The following THADA variants were observed in gnomAD, a reference collection of about 807,000 sequenced individuals.
The protein encoded by THADA is tRNA (32-2'-O)-methyltransferase regulator THADA.
In THADA, 213 loss-of-function variants were observed where a neutral mutation model predicts 219.8. The ratio of observed to expected loss-of-function variants is 0.97; its 90% CI spans 0.87 to 1.09. The LOEUF (loss-of-function observed/expected upper bound fraction) is 1.09, where lower values mean the gene tolerates loss of function less well. Among genes scored for constraint, THADA ranks in the 50% least tolerant of loss-of-function variants. The pLI, the probability that THADA is intolerant of heterozygous loss-of-function variation, is 0.00. For missense variants in THADA, 2,956 were observed against 2,311.3 expected, an observed-to-expected ratio of 1.28 and a Z score of -5.72; for synonymous variants, 1,018 against 828.9, an observed-to-expected ratio of 1.23 and a Z score of -3.92.
At chr2:43,263,199 C>A (rs979492560) in intron 36 of THADA, among the ~76,000 whole-genome samples, 1 of 152,196 alleles carries the variant, frequency 6.6e-6, no homozygotes, top group Non-Finnish European at 1.5e-5. Flanking sequence ...CAACAGCTAT[C>A]CCACTTCCTC....
At chr2:43,279,470 A>C (rs1312045860) in intron 36 of THADA, among the ~76,000 whole-genome samples, 1 of 152,186 alleles carries the variant, frequency 6.6e-6, no homozygotes, top group Non-Finnish European at 1.5e-5. Context: ...CAGTTTATTA[A>C]ATTTCTACCT....
In THADA at chr2:43,572,976, G is replaced by C. The variant is rs778331107; in HGVS notation, c.1746C>G (p.Phe582Leu). ...TGCTATTACAAGACCCTAAGGATGG[G>C]AAAGATTGCTCTTGTCCTGAAAGCA... is the stretch of plus-strand genomic sequence containing the variant. Reference protein sequence around the residue: ...IDAKTGQEQSFPSLGSCNSRG... With the variant: ...IDAKTGQEQSLPSLGSCNSRG... The change falls in exon 12 of 38, where the codon TTC (phenylalanine) becomes TTG (leucine). Residue 582 changes from phenylalanine (F) to leucine (L), a missense_variant. Physicochemically the swap from Phe to Leu is conservative, Grantham distance 22. Transcript: ENST00000405975. The C allele has an allele frequency of 6.2e-7, 1 of 1,613,542 alleles. No homozygotes were observed. The highest frequency in any genetic ancestry group is 8.5e-7 in the Non-Finnish European group (1 of 1,179,678).
At chr2:43,325,118 C>T (rs1407196379) in intron 30 of THADA, among the ~76,000 whole-genome samples, 1 of 152,168 alleles carries the variant, frequency 6.6e-6, no homozygotes, top group Admixed American at 6.5e-5. Context: ...AATCTCTGAA[C>T]TTCTTTAAAT....
intron 8 of THADA, 93 bp downstream of exon 8, chr2:43,581,648 T>G (rs1023774001): frequency 9.1e-7 from 1 of 1,096,552 alleles, no homozygotes; most frequent in Non-Finnish European, 1.3e-6. Context: ...CTCAGTTAAG[T>G]ATCACATTTC....
chr2:43,447,048 A>G lies in THADA; in HGVS notation c.3837-16746T>C, dbSNP rs1430487561. Among the ~76,000 whole-genome samples, 3 of 152,304 alleles carry G rather than the reference A, an allele frequency of 2.0e-5. No individual in the cohort carries two copies. The East Asian group carries it at 5.8e-4, about 29-fold the overall frequency. On this transcript the variant is annotated intron_variant, in intron 26 of 37. Transcript: ENST00000405975. ...ATAATTTGTAAAGAAAAGAGGTTTAATTGACTCACAGTTCTGCATGGCTGG... is the reference window on the plus strand; with the variant it reads ...ATAATTTGTAAAGAAAAGAGGTTTAGTTGACTCACAGTTCTGCATGGCTGG...
At chr2:43,308,880 G>A (rs932194703) in intron 31 of THADA, among the ~76,000 whole-genome samples, 4 of 150,836 alleles carry the variant, frequency 2.7e-5, no homozygotes, top group Non-Finnish European at 4.4e-5. Flanking sequence ...TTTAGAAGAA[G>A]TTTTGAGGGA....
chr2:43,235,454 C>T (rs1197757905), intron 36 of THADA, among the ~76,000 whole-genome samples: 7 of 151,746 alleles, frequency 4.6e-5, no homozygotes, highest in East Asian at 1.9e-4. Context: ...CCACCACACC[C>T]GGCTAATTTT....
chr2:43,324,736 T>G (rs1285103983), intron 30 of THADA, among the ~76,000 whole-genome samples: 2 of 152,186 alleles, frequency 1.3e-5, no homozygotes, highest in Non-Finnish European at 2.9e-5. Flanking sequence ...GTCAAGCCAC[T>G]TTGATGATGG....
chr2:43,573,504 G>C (rs1216839604), intron 11 of THADA, among the ~76,000 whole-genome samples: 2 of 152,180 alleles, frequency 1.3e-5, no homozygotes, highest in East Asian at 3.8e-4. Context: ...TAAAAATAAA[G>C]ACAACCTTAC....
intron 24 of THADA, among the ~76,000 whole-genome samples, chr2:43,505,103 A>G (rs1037063738): frequency 6.6e-6 from 1 of 152,234 alleles, no homozygotes; most frequent in Non-Finnish European, 1.5e-5. Flanking sequence ...TACCATATTT[A>G]AAGGAAATTT....
rs1420250214 is a variant in THADA, at chr2:43,320,530, A to G, written c.4354T>C (p.Cys1452Arg). The change falls in exon 31 of 38, where the codon TGT becomes CGT. Residue 1452 changes from cysteine to arginine, a missense_variant. Cys to Arg is a radical substitution (Grantham distance 180). Coordinates refer to ENST00000405975, the MANE Select transcript of THADA (RefSeq NM_022065.5). ...KLWLAKRQNP[C>R]LVTRAVYIDI... ...ATATATACAGCTCTGGTCACCAAAC[A>G]TGGATTTTGCCTAGAAAGGTAAAGA... is the stretch of plus-strand genomic sequence containing the variant. The G allele has an allele frequency of 1.2e-6, 2 of 1,612,172 alleles. No homozygotes were observed. Among genetic ancestry groups the G allele is most frequent in the Non-Finnish European group, 1.7e-6 (2 of 1,179,244 alleles).
At chr2:43,369,854 ATGCTG>A (rs1364967898) in intron 29 of THADA, among the ~76,000 whole-genome samples, 1 of 152,238 alleles carries the variant, frequency 6.6e-6, no homozygotes, top group East Asian at 1.9e-4. Context: ...TCCTCCAGCC[ATGCTG>A]TGAGTATGGA....
intron 26 of THADA, 24 bp downstream of exon 26, chr2:43,485,208 TAA>T: frequency 6.4e-7 from 1 of 1,564,006 alleles, no homozygotes; most frequent in Non-Finnish European, 8.8e-7. Context: ...TTAAAAAAAG[TAA>T]AGTTAGCCTT....
chr2:43,571,866 AAAAAC>A lies in THADA; in HGVS notation c.1909-9_1909-5del. ...AGCCTAATGTATCTATCCTTACCTA[AAAAAC>A]ATCAAGCAATAAAATGTTAATTTTC... On this transcript the variant is annotated splice_region_variant and splice_polypyrimidine_tract_variant and intron_variant, in intron 12 of 37. Coordinates refer to ENST00000405975, the MANE Select transcript of THADA (RefSeq NM_022065.5). 3.7e-6 allele frequency: 6 copies of A among 1,610,234 alleles called. No homozygotes were observed. Among genetic ancestry groups the A allele is most frequent in the Non-Finnish European group, 5.1e-6 (6 of 1,178,586 alleles).
chr2:43,381,365 C>T (rs928729050), intron 29 of THADA, among the ~76,000 whole-genome samples: 4 of 151,934 alleles, frequency 2.6e-5, no homozygotes, highest in Non-Finnish European at 4.4e-5. Flanking sequence ...CAGAAGAATT[C>T]AAAATAAGTA....
rs935610225 is a variant in THADA at position 43,428,202 on chromosome 2, C to T, written c.3956G>A (p.Ser1319Asn). The T allele has an allele frequency of 6.2e-7, 1 of 1,604,244 alleles. No individual in the cohort carries two copies. Among genetic ancestry groups the T allele is most frequent in the Admixed American group, 1.7e-5 (1 of 59,202 alleles). The part of the protein sequence containing the change: ...SDMGEPNRHP[S>N]MFLLLLVLER... The stretch of plus-strand genomic sequence containing the variant: ...CAACACCAAAAGTAAGAGAAACATG[C>T]TTGGATGACGATTTGGTTCTCCCAT... The change falls in exon 28 of 38, where the codon AGC becomes AAC. Residue 1319 changes from serine to asparagine, a missense_variant. By Grantham distance (46) the Ser-to-Asn change is conservative (BLOSUM62 1). Coordinates refer to ENST00000405975, the MANE Select transcript of THADA (RefSeq NM_022065.5).
At chr2:43,289,363 C>T (rs1298083134) in intron 34 of THADA, among the ~76,000 whole-genome samples, 1 of 152,228 alleles carries the variant, frequency 6.6e-6, no homozygotes, top group Non-Finnish European at 1.5e-5. Flanking sequence ...CTTTGATCAT[C>T]TATGGGCATC....
At chr2:43,457,242 C>T (rs934348196) in intron 26 of THADA, among the ~76,000 whole-genome samples, 4 of 151,360 alleles carry the variant, frequency 2.6e-5, no homozygotes, top group African/African-American at 7.3e-5. Context: ...CAATGCTACT[C>T]TCACTCTCCT....
At chr2:43,379,465 G>C (rs569489423) in intron 29 of THADA, among the ~76,000 whole-genome samples, 3 of 152,228 alleles carry the variant, frequency 2.0e-5, no homozygotes, top group Admixed American at 6.5e-5. Flanking sequence ...CCTACTAAAA[G>C]ACAAGAACTA....
Sources: gnomAD v4.1 joint callset for allele counts (sites outside exome capture counted in the v4.1 genomes callset) on GRCh38, gnomAD v4.1.1 for gene constraint, MANE v1.5 for transcripts, NCBI Gene and HGNC (gene_info 2026-07-23, HGNC 2026-07-21) for gene names.